The following TSHR variants were observed in gnomAD, a reference collection of about 807,000 sequenced individuals.
TSHR encodes thyroid stimulating hormone receptor.
Under a neutral mutation model 64.1 loss-of-function variants are expected in TSHR, and 51 were observed. The ratio of observed to expected loss-of-function variants is 0.80; its 90% CI spans 0.64 to 1.01. The LOEUF is 1.01. Ranked by LOEUF, TSHR falls within the 50% of genes least tolerant of loss-of-function variation. The pLI, the probability that TSHR is intolerant of heterozygous loss-of-function variation, is 0.00. For missense variants in TSHR, 877 were observed against 942.8 expected (o/e 0.93, Z 0.91); for synonymous variants, 361 against 361.9 (o/e 1.00, Z 0.03).
In TSHR at chr14:81,133,830, G is replaced by A. The variant is rs1176111820; in HGVS notation, c.693-5849G>A. ...CAAAGAAATCACAGAAAAGAGAAAG[G>A]AACCTTTAACAAAGCAATAATTAAG... On this transcript the variant is annotated intron_variant, in intron 8 of 9. Coordinates refer to ENST00000298171, the MANE Select transcript of TSHR (RefSeq NM_000369.5). Among the ~76,000 whole-genome samples, 3 of 152,038 alleles carry A rather than the reference G, an allele frequency of 2.0e-5. No individual in the cohort carries two copies. In the East Asian group the frequency reaches 5.8e-4, roughly 29 times the overall value.
At chr14:81,101,287 T>C (rs1889564166) in intron 7 of TSHR, among the ~76,000 whole-genome samples, 1 of 152,160 alleles carries the variant, frequency 6.6e-6, no homozygotes, top group Admixed American at 6.5e-5. Context: ...AGTAAAGATT[T>C]CAAATGATCA....
intron 1 of TSHR, among the ~76,000 whole-genome samples, chr14:81,055,290 C>T (rs893112792): frequency 3.3e-5 from 5 of 152,164 alleles, no homozygotes; most frequent in African/African-American, 1.2e-4. Context: ...TATGGAAATG[C>T]CTGGATGTCC....
At chr14:81,096,143 T>G (rs1773786280) in intron 6 of TSHR, among the ~76,000 whole-genome samples, 1 of 152,088 alleles carries the variant, frequency 6.6e-6, no homozygotes, top group Non-Finnish European at 1.5e-5. Flanking sequence ...CTTAAACATT[T>G]AATCTGTGAT....
chr14:81,109,243 A>C (rs1448721613), intron 8 of TSHR, among the ~76,000 whole-genome samples: 3 of 152,054 alleles, frequency 2.0e-5, no homozygotes, highest in Non-Finnish European at 4.4e-5. Context: ...CCCTGTCTCC[A>C]CTAAAAATAC....
At chr14:81,043,092 G>A (rs376711905) in intron 1 of TSHR, among the ~76,000 whole-genome samples, 46 of 152,134 alleles carry the variant, frequency 3.0e-4, no homozygotes, top group Admixed American at 2.2e-3. Context: ...TCTAGGGCAC[G>A]CAGGCAAGAG....
chr14:80,966,759 G>A (rs141823506), intron 1 of TSHR, among the ~76,000 whole-genome samples: 1 of 152,268 alleles, frequency 6.6e-6, no homozygotes, highest in Non-Finnish European at 1.5e-5. Flanking sequence ...CACAGACTGA[G>A]TGGCTTACAC....
At chr14:81,132,401 G>C (rs1331514483) in intron 8 of TSHR, among the ~76,000 whole-genome samples, 1 of 152,110 alleles carries the variant, frequency 6.6e-6, no homozygotes, top group African/African-American at 2.4e-5. Context: ...CCAATGTTTG[G>C]GGATACTAGA....
At chr14:81,098,714 G>A (rs2300531) in intron 7 of TSHR, among the ~76,000 whole-genome samples, 38,903 of 152,004 alleles carry the variant, frequency 0.26, 7,437 homozygotes, top group African/African-American at 0.54. Context: ...GGGATAGGAG[G>A]TAGTAAGGAA....
chr14:81,071,708 C>G (rs761364393), intron 3 of TSHR, among the ~76,000 whole-genome samples: 5 of 152,108 alleles, frequency 3.3e-5, no homozygotes, highest in Non-Finnish European at 5.9e-5. Flanking sequence ...CTGCAGTGAG[C>G]TATGATCACA....
chr14:81,053,414 T>C (rs1237253788), intron 1 of TSHR: 1 of 152,176 alleles, frequency 6.6e-6, no homozygotes, highest in Non-Finnish European at 1.5e-5. Flanking sequence ...AGCTAACACA[T>C]AAAATTAAGC....
At chr14:81,069,834 A>G (rs1886930998) in intron 3 of TSHR, among the ~76,000 whole-genome samples, 1 of 152,196 alleles carries the variant, frequency 6.6e-6, no homozygotes, top group South Asian at 2.1e-4. Flanking sequence ...ACAATAGAAA[A>G]TGATCCATAG....
At chr14:81,090,930 T>C (rs1388459808) in intron 4 of TSHR, 139 bp from the exon 5 acceptor site, 2 of 714,792 alleles carry the variant, frequency 2.8e-6, no homozygotes, top group African/African-American at 1.8e-5. Context: ...TACTCAGATA[T>C]TTAGGGAAGG....
intron 8 of TSHR, among the ~76,000 whole-genome samples, chr14:81,128,617 C>T (rs1022181246): frequency 6.6e-6 from 1 of 152,132 alleles, no homozygotes; most frequent in African/African-American, 2.4e-5. Flanking sequence ...CACGTATTCT[C>T]TCATCCTACC....
At chr14:81,044,358 C>T (rs537694825) in intron 1 of TSHR, among the ~76,000 whole-genome samples, 2 of 152,042 alleles carry the variant, frequency 1.3e-5, no homozygotes, top group Admixed American at 1.3e-4. Flanking sequence ...TTAGAAAAAC[C>T]CAAATCAAAA....
At chr14:80,985,198 G>A (rs1228710989) in intron 1 of TSHR, among the ~76,000 whole-genome samples, 2 of 152,110 alleles carry the variant, frequency 1.3e-5, no homozygotes, top group African/African-American at 4.8e-5. Context: ...TGCAGTGGGC[G>A]GAGATCGCGC....
chr14:81,027,595 T>C (rs1226266433), intron 1 of TSHR, among the ~76,000 whole-genome samples: 4 of 152,150 alleles, frequency 2.6e-5, no homozygotes, highest in Non-Finnish European at 4.4e-5. Flanking sequence ...CCCTAAATTA[T>C]ATACCCAGAC....
At chr14:81,093,237 G>T (rs563521004) in intron 6 of TSHR, among the ~76,000 whole-genome samples, 33 of 152,352 alleles carry the variant, frequency 2.2e-4, no homozygotes, top group African/African-American at 7.7e-4. Flanking sequence ...GCTGCTATAG[G>T]TCAGCATTTT....
intron 4 of TSHR, among the ~76,000 whole-genome samples, chr14:81,088,533 C>G (rs913371853): frequency 1.3e-5 from 2 of 152,208 alleles, no homozygotes; most frequent in Non-Finnish European, 2.9e-5. Flanking sequence ...TATGAGCTAA[C>G]CATAAGCTCC....
chr14:81,134,822 A>C (rs1891390226), intron 8 of TSHR, among the ~76,000 whole-genome samples: 1 of 152,232 alleles, frequency 6.6e-6, no homozygotes, highest in Non-Finnish European at 1.5e-5. Flanking sequence ...GCAGTGAAGA[A>C]CAAAGGTCTT....
Sources: allele counts gnomAD v4.1 joint callset (sites outside exome capture counted in the v4.1 genomes callset), GRCh38; gene constraint gnomAD v4.1.1; transcripts MANE v1.5; gene names NCBI Gene and HGNC (gene_info 2026-07-23, HGNC 2026-07-21).